AUTS2: variants seen among roughly 807,000 people sequenced by gnomAD.
AUTS2 encodes the protein autism susceptibility gene 2 protein.
A neutral mutation model predicts 112.4 loss-of-function variants in AUTS2; 17 were observed. The ratio of observed to expected loss-of-function variants is 0.15; its 90% CI spans 0.10 to 0.23. AUTS2 has a LOEUF of 0.23. AUTS2 is among the 10% of genes least tolerant of loss of function. The probability of loss-of-function intolerance (pLI) is 1.00; values close to 1 mark genes in which losing one functional copy is unlikely to be tolerated. For missense variants in AUTS2, 1,510 were observed against 1,701.6 expected, an observed-to-expected ratio of 0.89 and a Z score of 1.98; for synonymous variants, 751 against 702.7, an observed-to-expected ratio of 1.07 and a Z score of -1.09.
At chr7:69,961,968 A>T (rs184821198) in intron 2 of AUTS2, among the ~76,000 whole-genome samples, 15 of 152,110 alleles carry the variant, frequency 9.9e-5, no homozygotes, top group Admixed American at 4.6e-4. Context: ...ACTATTTTCT[A>T]TCCTTCCACA....
intron 1 of AUTS2, among the ~76,000 whole-genome samples, chr7:69,723,288 C>G (rs1176642133): frequency 1.3e-5 from 2 of 152,016 alleles, no homozygotes; most frequent in Non-Finnish European, 1.5e-5. Flanking sequence ...TTTGAGCAAC[C>G]TTACATATTG....
intron 5 of AUTS2, among the ~76,000 whole-genome samples, chr7:70,661,715 C>CTGTA (rs1563109948): frequency 6.6e-6 from 1 of 151,828 alleles, no homozygotes; most frequent in Non-Finnish European, 1.5e-5. Context: ...ATCTGTAGAT[C>CTGTA]TGTAGATCGA....
chr7:70,456,027 G>A (rs577543364), intron 5 of AUTS2, among the ~76,000 whole-genome samples: 2 of 152,268 alleles, frequency 1.3e-5, no homozygotes, highest in African/African-American at 2.4e-5. Context: ...AGCTAGTGTG[G>A]TACTAATACC....
At chr7:70,296,052 C>G (rs1404824975) in intron 4 of AUTS2, among the ~76,000 whole-genome samples, 1 of 152,118 alleles carries the variant, frequency 6.6e-6, no homozygotes, top group Non-Finnish European at 1.5e-5. Context: ...ATTAAAGCCC[C>G]AAGACATGAA....
rs1809460985 is a variant in AUTS2, at chr7:70,183,858, TTCTG to T, written c.660+49291_660+49294del. Among the ~76,000 whole-genome samples the T allele has an allele frequency of 5.4e-5, 8 of 148,472 alleles. 1 individual carries two copies. In the South Asian group the frequency reaches 1.7e-3, roughly 32 times the overall value. On this transcript the variant is annotated intron_variant, in intron 4 of 18. Coordinates refer to ENST00000342771, the MANE Select transcript of AUTS2 (RefSeq NM_015570.4). ...CTTTTTTTTTTTTTTTTGTTGCCCC[TTCTG>T]TCTTTCTGTTACCCAGAGAAAGCTT...
intron 2 of AUTS2, among the ~76,000 whole-genome samples, chr7:70,053,630 C>T (rs1801861961): frequency 6.6e-6 from 1 of 150,414 alleles, no homozygotes; most frequent in Non-Finnish European, 1.5e-5. Context: ...GCCTTGCCCT[C>T]CAGGGCTAAA....
At chr7:70,726,444 C>T (rs1321764099) in intron 6 of AUTS2, among the ~76,000 whole-genome samples, 2 of 152,100 alleles carry the variant, frequency 1.3e-5, no homozygotes, top group Non-Finnish European at 2.9e-5. Flanking sequence ...ATCCTATTGT[C>T]GTATATGTGA....
intron 6 of AUTS2, among the ~76,000 whole-genome samples, chr7:70,729,460 G>A (rs536727858): frequency 9.2e-5 from 14 of 152,122 alleles, no homozygotes; most frequent in Non-Finnish European, 2.1e-4. Context: ...TCCCCAGGGG[G>A]GCTTCCATGT....
intron 6 of AUTS2, among the ~76,000 whole-genome samples, chr7:70,702,639 G>T (rs12698915): frequency 6.6e-6 from 1 of 152,078 alleles, no homozygotes; most frequent in Non-Finnish European, 1.5e-5. Flanking sequence ...TCTTTCTACT[G>T]TGGGCACCCA....
intron 4 of AUTS2, among the ~76,000 whole-genome samples, chr7:70,267,593 C>T (rs1253131190): frequency 2.0e-5 from 3 of 152,140 alleles, no homozygotes; most frequent in Admixed American, 2.0e-4. Context: ...ATTTCGTTAG[C>T]TGTGTGACAA....
chr7:70,313,867 G>A (rs1353061499), intron 4 of AUTS2, among the ~76,000 whole-genome samples: 1 of 152,208 alleles, frequency 6.6e-6, no homozygotes, highest in South Asian at 2.1e-4. Flanking sequence ...TGGCAGGACT[G>A]TGAATGTGGA....
At chr7:70,010,172 G>T (rs923134419) in intron 2 of AUTS2, among the ~76,000 whole-genome samples, 4 of 151,902 alleles carry the variant, frequency 2.6e-5, no homozygotes, top group African/African-American at 9.7e-5. Flanking sequence ...TTGAGACAGG[G>T]TCTCATTCTG....
At chr7:70,228,134 G>A (rs1811863569) in intron 4 of AUTS2, among the ~76,000 whole-genome samples, 1 of 151,520 alleles carries the variant, frequency 6.6e-6, no homozygotes, top group Admixed American at 6.6e-5. Flanking sequence ...TATCTTCTTG[G>A]TGGGTAGACC....
intron 5 of AUTS2, among the ~76,000 whole-genome samples, chr7:70,476,707 A>C (rs772364339): frequency 1.3e-5 from 2 of 152,226 alleles, no homozygotes; most frequent in Non-Finnish European, 2.9e-5. Context: ...TACAAGCTCT[A>C]TAGCCTTCAG....
At chr7:70,107,395 G>A (rs961481058) in intron 2 of AUTS2, among the ~76,000 whole-genome samples, 1 of 138,162 alleles carries the variant, frequency 7.2e-6, no homozygotes, top group Non-Finnish European at 1.5e-5. Context: ...CCAGGCTGGA[G>A]TTCAGTAGCG....
At position 70,334,199 on chromosome 7, in the gene AUTS2, C is replaced by T. The variant is rs376037643; in HGVS notation, c.661-101553C>T. Among the ~76,000 whole-genome samples the T allele has an allele frequency of 2.4e-4, 36 of 152,234 alleles. No homozygotes were observed. The South Asian group carries it at 5.0e-3, about 21-fold the overall frequency. On this transcript the variant is annotated intron_variant, in intron 4 of 18. Coordinates refer to ENST00000342771, the MANE Select transcript of AUTS2 (RefSeq NM_015570.4). Reference sequence around the variant, plus strand: ...TAGGAAGAAAAGCTTTGTCTTTTTCCACTGAGTACAATGTTAGCTGCAGGT... The same window carrying T: ...TAGGAAGAAAAGCTTTGTCTTTTTCTACTGAGTACAATGTTAGCTGCAGGT...
chr7:70,753,091 C>T (rs1788969039), intron 6 of AUTS2, among the ~76,000 whole-genome samples: 2 of 152,104 alleles, frequency 1.3e-5, no homozygotes, highest in Non-Finnish European at 2.9e-5. Context: ...GTACACTCAA[C>T]TGCGGTGTGT....
At chr7:70,426,923 A>C (rs192715034) in intron 4 of AUTS2, among the ~76,000 whole-genome samples, 1 of 152,284 alleles carries the variant, frequency 6.6e-6, no homozygotes, top group East Asian at 1.9e-4. Flanking sequence ...CTCATCAGCA[A>C]ATTTGGGTTT....
At chr7:70,632,043 G>A (rs570104198) in intron 5 of AUTS2, among the ~76,000 whole-genome samples, 25 of 152,006 alleles carry the variant, frequency 1.6e-4, no homozygotes, top group African/African-American at 2.2e-4. Context: ...CAGGACAAAT[G>A]TGAAGTCATC....
Sources: gnomAD v4.1 joint callset for allele counts (sites outside exome capture counted in the v4.1 genomes callset) on GRCh38, gnomAD v4.1.1 for gene constraint, MANE v1.5 for transcripts, NCBI Gene and HGNC (gene_info 2026-07-23, HGNC 2026-07-21) for gene names.